PRMT7: variants seen among roughly 807,000 people sequenced by gnomAD.
The protein encoded by PRMT7 is protein arginine N-methyltransferase 7.
PRMT7 carries 75 observed loss-of-function variants against 85.4 expected under a neutral mutation model. The ratio of observed to expected loss-of-function variants is 0.88; its 90% CI spans 0.73 to 1.06. The LOEUF is 1.06. Ranked by LOEUF, PRMT7 falls within the 50% of genes least tolerant of loss-of-function variation. The probability of loss-of-function intolerance (pLI) is 0.00; values close to 1 mark genes in which losing one functional copy is unlikely to be tolerated. For missense variants in PRMT7, 868 were observed against 915.2 expected, an observed-to-expected ratio of 0.95 and a Z score of 0.67; for synonymous variants, 397 against 359.5, an observed-to-expected ratio of 1.10 and a Z score of -1.18.
chr16:68,348,576 A>G (rs2086764040), intron 14 of PRMT7, 145 bp downstream of exon 14: 2 of 486,100 alleles, frequency 4.1e-6, no homozygotes, highest in Non-Finnish European at 7.3e-6. Context: ...TCCCACCATC[A>G]AGGGTGTGGT....
intron 16 of PRMT7, 54 bp from the exon 17 acceptor site, chr16:68,355,667 CCT>C: frequency 6.9e-7 from 1 of 1,440,412 alleles, no homozygotes; most frequent in Non-Finnish European, 9.2e-7. Context: ...GGGAGCGGTA[CCT>C]CTGTCTAGCT....
chr16:68,342,520 C>A (rs376207396), intron 9 of PRMT7, among the ~76,000 whole-genome samples: 1 of 152,186 alleles, frequency 6.6e-6, no homozygotes, highest in Non-Finnish European at 1.5e-5. Flanking sequence ...TGTCCATGGT[C>A]CAGCCTGCCT....
rs756005762 is a variant in PRMT7 at position 68,356,787 on chromosome 16, C to T, written c.1898C>T (p.Ala633Val). The change falls in exon 18 of 19, where the codon GCA becomes GTA. Residue 633 changes from alanine to valine, a missense_variant. Coordinates refer to ENST00000441236, the MANE Select transcript of PRMT7 (RefSeq NM_019023.5). ...CTLSTGLLEP[A>V]DPEGGCCWNP... ...CTCAGCACTGGCCTCCTGGAGCCTG[C>T]AGACCCCGAGGTAGTGCCTGCGCAC... 5.0e-6 allele frequency: 8 copies of T among 1,608,218 alleles called. No homozygotes were observed. The East Asian group carries it at 8.9e-5, about 18-fold the overall frequency.
rs745890640 is a variant in PRMT7 at position 68,345,806 on chromosome 16, C to T, written c.1055+4C>T. On this transcript the variant is annotated splice_donor_region_variant and intron_variant, in intron 10 of 18. Coordinates refer to ENST00000441236, the MANE Select transcript of PRMT7 (RefSeq NM_019023.5). ...GGTACAGCCTGCAGAGGACCAGGTA[C>T]GTCGAGCCTCGTGGGGGTGGAGGAT... 1.6e-5 allele frequency: 26 copies of T among 1,613,782 alleles called. No individual in the cohort carries two copies. The highest frequency in any genetic ancestry group is 2.7e-5 in the African/African-American group (2 of 74,918).
chr16:68,346,591 G>A (rs2086427701), intron 11 of PRMT7, among the ~76,000 whole-genome samples: 1 of 151,582 alleles, frequency 6.6e-6, no homozygotes, highest in South Asian at 2.1e-4. Flanking sequence ...CTCTTTTCAT[G>A]TGTTGTCACC....
In PRMT7 at chr16:68,357,339, A is replaced by T. The variant is rs966846860; in HGVS notation, c.*115A>T. ...CTCTGGGAGCTGCTCGGCCTCAGGG[A>T]TGGGAAAGACTGCGCCGTGTTGCAT... On this transcript the variant is annotated 3_prime_UTR_variant, in exon 19 of 19. Transcript: ENST00000441236. 3 of 1,182,940 alleles carry T rather than the reference A, an allele frequency of 2.5e-6. No individual in the cohort carries two copies. In the African/African-American group the frequency reaches 4.6e-5, roughly 18 times the overall value. The allele number at this position is 1,182,940 out of a possible 1,614,324, so 73.3% of individuals were successfully genotyped here. A position where few individuals can be genotyped will look rare whatever the true frequency, so the allele number is the denominator to read the frequency against.
At chr16:68,335,968 G>A (rs1370131551) in intron 6 of PRMT7, among the ~76,000 whole-genome samples, 1 of 151,998 alleles carries the variant, frequency 6.6e-6, no homozygotes, top group Admixed American at 6.6e-5. Context: ...GTAGAGACAG[G>A]GTTTCACCAC....
chr16:68,353,653 C>G (rs972318672), intron 16 of PRMT7, 87 bp downstream of exon 16: 6 of 1,317,936 alleles, frequency 4.6e-6, no homozygotes, highest in African/African-American at 3.1e-5. Context: ...GCAGCACAGG[C>G]TCTTCTGTTG....
chr16:68,356,912 G>A (rs2088653202), intron 18 of PRMT7, 115 bp downstream of exon 18: 2 of 1,370,090 alleles, frequency 1.5e-6, no homozygotes, highest in Admixed American at 2.2e-5. Flanking sequence ...CTTCGGGCCA[G>A]ATGATGACCC....
At position 68,337,520 on chromosome 16, in the gene PRMT7, C is replaced by T. The variant is rs771868763; in HGVS notation, c.453C>T (p.Ile151=). 26 of 1,611,850 alleles carry T rather than the reference C, an allele frequency of 1.6e-5. No homozygotes were observed. In the Admixed American group the frequency reaches 2.2e-4, roughly 13 times the overall value. The change falls in exon 7 of 19, where the codon ATC becomes ATT. Residue 151 remains isoleucine (I), a synonymous_variant. Coordinates refer to ENST00000441236, the MANE Select transcript of PRMT7 (RefSeq NM_019023.5). Reference sequence around the variant, plus strand: ...CAGAGTTGTTTGACACAGAGCTGATCGGGGAGGGGGCGCTGCCCTCCTATG... The same window carrying T: ...CAGAGTTGTTTGACACAGAGCTGATTGGGGAGGGGGCGCTGCCCTCCTATG... ...LVTELFDTEL[I]GEGALPSYEH...
Position 68,352,411 on chromosome 16 carries a change from T to C in PRMT7, c.1575+2T>C. The C allele has an allele frequency of 6.3e-7, 1 of 1,589,894 alleles. No individual in the cohort carries two copies. The highest frequency in any genetic ancestry group is 8.5e-7 in the Non-Finnish European group (1 of 1,170,830). ...CACGCTGTGGTTGTGGAGTTCAGGG[T>C]AGGCCACCCAGGGGATGTTGGAGAA... On this transcript the variant is annotated splice_donor_variant, in intron 15 of 18. Transcript: ENST00000441236. LOFTEE classifies it high-confidence loss of function.
rs6145876 is a variant in PRMT7, at chr16:68,329,876, T to TACACAC, written c.391+720_391+725dup. ...TTAAGGTTTCCAGAATATGTATATG[T>TACACAC]ACACACACACACACACACACACATA... On this transcript the variant is annotated intron_variant, in intron 6 of 18. Coordinates refer to ENST00000441236, the MANE Select transcript of PRMT7 (RefSeq NM_019023.5). 3.4e-4 allele frequency among the ~76,000 whole-genome samples: 51 copies of TACACAC among 148,810 alleles called. 1 individual carries two copies. Among genetic ancestry groups the TACACAC allele is most frequent in the African/African-American group, 6.4e-4 (26 of 40,506 alleles).
At chr16:68,325,283 C>T (rs1198361501) in intron 5 of PRMT7, among the ~76,000 whole-genome samples, 1 of 152,146 alleles carries the variant, frequency 6.6e-6, no homozygotes, top group African/African-American at 2.4e-5. Flanking sequence ...TCTCTTGAGC[C>T]CGGAAAGTCA....
At chr16:68,337,376 A>G in intron 6 of PRMT7, 83 bp from the exon 7 acceptor site, 1 of 935,812 alleles carries the variant, frequency 1.1e-6, no homozygotes, top group Non-Finnish European at 1.7e-6. Flanking sequence ...TGGCCCCTTA[A>G]CCACTTATCT....
At chr16:68,337,276 T>A (rs1567689208) in intron 6 of PRMT7, among the ~76,000 whole-genome samples, 183 bp from the exon 7 acceptor site, 1 of 145,048 alleles carries the variant, frequency 6.9e-6, no homozygotes, top group Non-Finnish European at 1.5e-5. Flanking sequence ...TACATATGGA[T>A]TTTTTTTTTT....
intron 11 of PRMT7, 39 bp downstream of exon 11, chr16:68,346,319 G>A: frequency 6.2e-7 from 1 of 1,609,018 alleles, no homozygotes; most frequent in Non-Finnish European, 8.5e-7. Context: ...GGGGAAAAGG[G>A]AGAAAGAAGT....
rs937473828 is a variant in PRMT7, at chr16:68,352,649, A to G, written c.1575+240A>G. 7 of 404,820 alleles carry G rather than the reference A, an allele frequency of 1.7e-5. No individual in the cohort carries two copies. The Admixed American group carries it at 2.6e-4, about 15-fold the overall frequency. 25.1% of individuals were successfully genotyped at this position (404,820 alleles called of 1,614,324 possible). On this transcript the variant is annotated intron_variant, in intron 15 of 18. Coordinates refer to ENST00000441236, the MANE Select transcript of PRMT7 (RefSeq NM_019023.5). Reference sequence around the variant, plus strand: ...TGTTGTCATTTTACAATTGTGGCTTATCAGAATAATTTAAAAATATAAATT... The same window carrying G: ...TGTTGTCATTTTACAATTGTGGCTTGTCAGAATAATTTAAAAATATAAATT...
chr16:68,340,562 T>A, intron 9 of PRMT7, among the ~76,000 whole-genome samples: 1 of 141,900 alleles, frequency 7.0e-6, no homozygotes, highest in African/African-American at 2.7e-5. Flanking sequence ...GCCTGGGCAA[T>A]AAGATGAGAA....
chr16:68,321,041 G>T (rs1016812822), intron 3 of PRMT7, among the ~76,000 whole-genome samples: 7 of 152,220 alleles, frequency 4.6e-5, no homozygotes, highest in Non-Finnish European at 7.4e-5. Flanking sequence ...GGCCAAGGTG[G>T]GCGGATCAGT....
Sources: allele counts gnomAD v4.1 joint callset (sites outside exome capture counted in the v4.1 genomes callset), GRCh38; gene constraint gnomAD v4.1.1; transcripts MANE v1.5; gene names NCBI Gene and HGNC (gene_info 2026-07-23, HGNC 2026-07-21).